ADAM22: variants seen among roughly 807,000 people sequenced by gnomAD.
The protein encoded by ADAM22 is disintegrin and metalloproteinase domain-containing protein 22.
ADAM22 carries 65 observed loss-of-function variants against 144.6 expected under a neutral mutation model. That is an observed-to-expected ratio of 0.45 (90% confidence interval 0.37 to 0.55). The LOEUF is 0.55. Ranked by LOEUF, ADAM22 falls within the 20% of genes least tolerant of loss-of-function variation. ADAM22 has a pLI of 0.00. For synonymous variants in ADAM22, 391 were observed against 412.6 expected (o/e 0.95, Z 0.63); for missense variants, 974 against 1,184.9 (o/e 0.82, Z 2.61).
At chr7:88,171,600 T>C (rs1844336844) in intron 26 of ADAM22, 39 bp downstream of exon 26, 3 of 1,540,424 alleles carry the variant, frequency 1.9e-6, no homozygotes, top group East Asian at 4.8e-5. Context: ...AACTGAAAGG[T>C]TTGACTCATA....
intron 5 of ADAM22, among the ~76,000 whole-genome samples, chr7:88,111,015 A>G (rs1825905245): frequency 6.7e-6 from 1 of 149,480 alleles, no homozygotes; most frequent in African/African-American, 2.5e-5. Flanking sequence ...TGCTGAGATT[A>G]CAGGGTTATT....
chr7:88,133,302 G>A (rs1304589127), intron 12 of ADAM22, among the ~76,000 whole-genome samples: 1 of 151,886 alleles, frequency 6.6e-6, no homozygotes, highest in African/African-American at 2.4e-5. Flanking sequence ...GGCAGAGGTT[G>A]TATTGGGCCC....
At chr7:88,166,173 A>G (rs778240081) in intron 24 of ADAM22, among the ~76,000 whole-genome samples, 1 of 152,080 alleles carries the variant, frequency 6.6e-6, no homozygotes, top group African/African-American at 2.4e-5. Flanking sequence ...ATCTTGTCCT[A>G]CTTCATTCTG....
At chr7:88,159,270 A>G (rs1840882639) in intron 22 of ADAM22, among the ~76,000 whole-genome samples, 1 of 152,050 alleles carries the variant, frequency 6.6e-6, no homozygotes, top group African/African-American at 2.4e-5. Flanking sequence ...TAAATAGCCT[A>G]CCAACCAAAA....
intron 3 of ADAM22, among the ~76,000 whole-genome samples, chr7:88,069,403 T>C (rs1216959535): frequency 2.0e-5 from 3 of 152,178 alleles, no homozygotes; most frequent in Non-Finnish European, 4.4e-5. Context: ...GTCTGTGATA[T>C]TCTGTTACAG....
rs1201868899 is a variant in ADAM22, at chr7:88,116,754, C to T, written c.547C>T (p.His183Tyr). 13 of 1,613,050 alleles carry T rather than the reference C, an allele frequency of 8.1e-6. No individual in the cohort carries two copies. Among genetic ancestry groups the T allele is most frequent in the Non-Finnish European group, 1.0e-5 (12 of 1,179,224 alleles). ...EENDTTQEDF[H>Y]FHSVYKSRLF... The stretch of plus-strand genomic sequence containing the variant: ...GCTTGTGTCATTTCAGGAGGATTTC[C>T]ATTTTCATTCAGTTTACAAATCCAG... The change falls in exon 7 of 32, where the codon CAT (histidine) becomes TAT (tyrosine). Residue 183 changes from histidine (H) to tyrosine (Y), a missense_variant. By Grantham distance (83) the His-to-Tyr change is moderately conservative. Transcript: ENST00000413139.
intron 2 of ADAM22, among the ~76,000 whole-genome samples, chr7:87,948,470 C>T (rs946534950): frequency 6.6e-6 from 1 of 152,116 alleles, no homozygotes. Flanking sequence ...CCCTTCTGCC[C>T]TTTATTGCTG....
At chr7:87,984,737 A>G (rs1854526671) in intron 3 of ADAM22, among the ~76,000 whole-genome samples, 2 of 152,050 alleles carry the variant, frequency 1.3e-5, no homozygotes, top group Admixed American at 6.5e-5. Flanking sequence ...CTGGAGTGCA[A>G]TGGCGTGATC....
intron 2 of ADAM22, among the ~76,000 whole-genome samples, chr7:87,962,975 A>G (rs755187409): frequency 6.6e-6 from 1 of 152,216 alleles, no homozygotes; most frequent in Non-Finnish European, 1.5e-5. Flanking sequence ...AACTGCTCAC[A>G]GTTTTAAAAC....
rs143024158 is a variant in ADAM22, at chr7:88,187,207, A to G, written c.2750+506A>G. Among the ~76,000 whole-genome samples, 371 of 152,330 alleles carry G rather than the reference A, an allele frequency of 2.4e-3. 1 individual carries two copies. Among genetic ancestry groups the G allele is most frequent in the African/African-American group, 8.5e-3 (354 of 41,586 alleles). On this transcript the variant is annotated intron_variant, in intron 30 of 31. Coordinates refer to ENST00000413139, the MANE Select transcript of ADAM22 (RefSeq NM_001324418.2). ...AAACAATGATTTGGTCTAACTGGAA[A>G]ATTACTGAGACAACATTGACCACAT...
At chr7:88,039,281 A>C (rs1278388542) in intron 3 of ADAM22, among the ~76,000 whole-genome samples, 1 of 150,424 alleles carries the variant, frequency 6.6e-6, no homozygotes, top group Non-Finnish European at 1.5e-5. Flanking sequence ...ATCTCTACTA[A>C]AAATACAAAA....
chr7:88,130,414 A>G lies in ADAM22; in HGVS notation c.780A>G (p.Val260=), dbSNP rs1363094610. The change falls in exon 10 of 32, where the codon GTA becomes GTG. Residue 260 remains valine (V), a synonymous_variant. Transcript: ENST00000413139. ...TTAAAAAACATCGGCTTTCCGTTGT[A>G]CATACCAATACCTATGCGAAATCTG... The part of the protein sequence containing the change: ...LMFKKHRLSV[V]HTNTYAKSVV... 2 of 1,613,178 alleles carry G rather than the reference A, an allele frequency of 1.2e-6. No homozygotes were observed. Among genetic ancestry groups the G allele is most frequent in the East Asian group, 2.2e-5 (1 of 44,854 alleles).
rs78816115 is a variant in ADAM22 at position 87,957,298 on chromosome 7, C to T, written c.247-21038C>T. Among the ~76,000 whole-genome samples, 744 of 152,198 alleles carry T rather than the reference C, an allele frequency of 4.9e-3. 23 individuals are homozygous for T. The East Asian group carries it at 0.078, about 16-fold the overall frequency. On this transcript the variant is annotated intron_variant, in intron 2 of 31. Transcript: ENST00000413139. The stretch of plus-strand genomic sequence containing the variant: ...TGTTCTATGGTATCAGTGAAATTGA[C>T]CATGTGAGGGTGCTTGTAAAACTTT...
At chr7:88,141,679 T>G (rs1227979719) in intron 14 of ADAM22, among the ~76,000 whole-genome samples, 1 of 152,184 alleles carries the variant, frequency 6.6e-6, no homozygotes, top group Non-Finnish European at 1.5e-5. Context: ...CACTGTATAG[T>G]CAGCATTTTT....
intron 3 of ADAM22, among the ~76,000 whole-genome samples, chr7:88,012,137 A>T (rs1169448342): frequency 5.9e-5 from 9 of 151,646 alleles, no homozygotes; most frequent in African/African-American, 1.9e-4. Context: ...TCTACTGATG[A>T]GCCTATCAAA....
intron 3 of ADAM22, among the ~76,000 whole-genome samples, chr7:88,038,485 C>T (rs1461572475): frequency 2.0e-5 from 3 of 146,646 alleles, no homozygotes; most frequent in Admixed American, 6.9e-5. Context: ...GACGGAGTTT[C>T]GCTCTGTCGC....
intron 2 of ADAM22, among the ~76,000 whole-genome samples, chr7:87,976,848 C>A (rs1851997876): frequency 6.7e-6 from 1 of 149,810 alleles, no homozygotes; most frequent in African/African-American, 2.5e-5. Flanking sequence ...TCCTGAAATC[C>A]AGGGAGAAGG....
chr7:88,175,358 C>T (rs1845370158), intron 26 of ADAM22, among the ~76,000 whole-genome samples: 1 of 152,000 alleles, frequency 6.6e-6, no homozygotes, highest in Non-Finnish European at 1.5e-5. Context: ...ATTAGCTCCC[C>T]CAGAGTCATT....
At position 88,113,684 on chromosome 7, in the gene ADAM22, TA is replaced by T. The variant is rs1563244873; in HGVS notation, c.474-899del. ...TGTGTATATATATATATAATATATATATTATAAATAAATAAATAAATATATA... is the reference window on the plus strand; with the variant it reads ...TGTGTATATATATATATAATATATATTTATAAATAAATAAATAAATATATA... On this transcript the variant is annotated intron_variant, in intron 5 of 31. Transcript: ENST00000413139. Among the ~76,000 whole-genome samples, 109 of 90,118 alleles carry T rather than the reference TA, an allele frequency of 1.2e-3. 3 individuals carry two copies. In the East Asian group the frequency reaches 0.017, roughly 14 times the overall value. The allele number at this position is 90,118 out of a possible 152,430, so 59.1% of individuals were successfully genotyped here.
Sources: allele counts gnomAD v4.1 joint callset (sites outside exome capture counted in the v4.1 genomes callset), GRCh38; gene constraint gnomAD v4.1.1; transcripts MANE v1.5; gene names NCBI Gene and HGNC (gene_info 2026-07-23, HGNC 2026-07-21).